Variants in NFRKB observed in about 807,000 individuals in gnomAD.
NFRKB encodes nuclear factor related to kappaB binding protein.
NFRKB carries 62 observed loss-of-function variants against 135.7 expected under a neutral mutation model. The observed-to-expected ratio is 0.46, with a 90% CI of 0.37 to 0.56. The LOEUF (loss-of-function observed/expected upper bound fraction) is 0.56. Ranked by LOEUF, NFRKB falls within the 20% of genes least tolerant of loss-of-function variation. The probability of loss-of-function intolerance (pLI) is 0.00; values close to 1 mark genes in which losing one functional copy is unlikely to be tolerated. For missense variants in NFRKB, 1,545 were observed against 1,662.0 expected, an observed-to-expected ratio of 0.93 and a Z score of 1.22; for synonymous variants, 678 against 635.6, an observed-to-expected ratio of 1.07 and a Z score of -1.00.
At chr11:129,877,422 T>C (rs755298490) in intron 15 of NFRKB, 37 bp from the exon 16 acceptor site, 29 of 1,591,996 alleles carry the variant, frequency 1.8e-5, no homozygotes, top group Non-Finnish European at 2.2e-5. Context: ...CCCTGACAGC[T>C]GGCACGTGTG....
chr11:129,866,501 G>T (rs752847209), intron 24 of NFRKB, among the ~76,000 whole-genome samples: 2 of 151,822 alleles, frequency 1.3e-5, no homozygotes, highest in African/African-American at 2.4e-5. Flanking sequence ...GGGCATGCTA[G>T]ATTAGGGAGA....
rs1269113202 is a variant in NFRKB at position 129,881,794 on chromosome 11, G to A, written c.1251C>T (p.Phe417=). ...ACTCAGCCCAGTTGGGGGCCGCAGA[G>A]AACCAGCTGTTGAGGGAGCTGGCTG... ...SSPASSLNSW[F]SAAPNWAELV... is the part of the protein sequence containing the mutation. Residue 417 remains phenylalanine, a synonymous_variant, in exon 12 of 27, where the codon TTC becomes TTT. Coordinates refer to ENST00000682444, the MANE Select transcript of NFRKB (RefSeq NM_001143835.2). The A allele has an allele frequency of 6.2e-7, 1 of 1,613,842 alleles. No individual in the cohort carries two copies. Among genetic ancestry groups the A allele is most frequent in the Non-Finnish European group, 8.5e-7 (1 of 1,179,952 alleles).
At chr11:129,893,270 T>A (rs955576840) in intron 2 of NFRKB, 1 of 496,044 alleles carries the variant, frequency 2.0e-6, no homozygotes, top group Non-Finnish European at 3.7e-6. Flanking sequence ...TCTTTGTTGT[T>A]GGCTGGGTGC....
chr11:129,864,971 T>C lies in NFRKB; in HGVS notation c.3769A>G (p.Thr1257Ala). 1 of 1,613,404 alleles carries C rather than the reference T, an allele frequency of 6.2e-7. No individual in the cohort carries two copies. The highest frequency in any genetic ancestry group is 1.1e-5 in the South Asian group (1 of 91,062). The part of the protein sequence containing the change: ...LQQLQQQGQA[T>A]QVRIQTVPAS... ...GAATTTGCCCTGGGCCTTACCTGTG[T>C]GGCCTGACCTTGCTGCTGAAGCTGC... The change falls in exon 26 of 27, where the codon ACA becomes GCA. Residue 1257 changes from threonine to alanine, a missense_variant. Physicochemically the swap from Thr to Ala is moderately conservative, Grantham distance 58. Transcript: ENST00000682444.
At chr11:129,889,951 C>CGT (rs56216860) in intron 3 of NFRKB, among the ~76,000 whole-genome samples, 58,130 of 134,850 alleles carry the variant, frequency 0.43, 12,660 homozygotes, top group Admixed American at 0.49. Flanking sequence ...TATTGTCTTA[C>CGT]GTGTGTGTGT....
At chr11:129,877,627 G>A (rs987509971) in intron 15 of NFRKB, among the ~76,000 whole-genome samples, 2 of 152,196 alleles carry the variant, frequency 1.3e-5, no homozygotes, top group African/African-American at 4.8e-5. Context: ...ACAAGAGGCT[G>A]ACATCTTTAA....
chr11:129,869,807 C>T lies in NFRKB; in HGVS notation c.3218G>A (p.Gly1073Glu). ...ALGVSVADQKGKSTVASSEAK... is the reference protein window; with the variant it reads ...ALGVSVADQKEKSTVASSEAK... ...TTCTGAAGAGGCCACTGTGCTTTTT[C>T]CCTTCTGGTCAGCCACACTCACGCC... is the stretch of plus-strand genomic sequence containing the variant. Residue 1073 changes from glycine to glutamate, a missense_variant, in exon 24 of 27, where the codon GGA becomes GAA. Gly to Glu is a moderately conservative substitution (Grantham distance 98). This residue lies in a region of NFRKB where 753 missense variants were observed against 804.3 expected (regional missense o/e 0.94). Transcript: ENST00000682444. 1 of 1,614,246 alleles carries T rather than the reference C, an allele frequency of 6.2e-7. No homozygotes were observed. Among genetic ancestry groups the T allele is most frequent in the Non-Finnish European group, 8.5e-7 (1 of 1,180,044 alleles).
intron 11 of NFRKB, 50 bp from the exon 12 acceptor site, chr11:129,881,903 C>T (rs747484812): frequency 1.0e-4 from 158 of 1,547,846 alleles, no homozygotes; most frequent in Non-Finnish European, 1.3e-4. Flanking sequence ...TCCACACCAG[C>T]AATTCCACAC....
chr11:129,884,022 G>T, intron 8 of NFRKB, 48 bp downstream of exon 8: 1 of 1,594,614 alleles, frequency 6.3e-7, no homozygotes, highest in Non-Finnish European at 8.6e-7. Context: ...AGCCAATCCT[G>T]AGACATCAGG....
chr11:129,884,701 A>C, intron 7 of NFRKB, 44 bp downstream of exon 7: 1 of 1,608,672 alleles, frequency 6.2e-7, no homozygotes. Flanking sequence ...TCAGGTCTCC[A>C]CCGCAATGTC....
Position 129,870,203 on chromosome 11 carries a change from G to T in NFRKB, c.2822C>A (p.Thr941Lys), listed in dbSNP as rs766840760. Residue 941 changes from threonine to lysine, a missense_variant, in exon 24 of 27, where the codon ACA (threonine) becomes AAA (lysine). Physicochemically the swap from Thr to Lys is moderately conservative, Grantham distance 78 (BLOSUM62 -1). This residue lies in a region of NFRKB where 753 missense variants were observed against 804.3 expected (regional missense o/e 0.94). Coordinates refer to ENST00000682444, the MANE Select transcript of NFRKB (RefSeq NM_001143835.2). Reference sequence around the variant, plus strand: ...ACCCTGGATGCGGAAGTTAGTGGCTGTGAGTGGAATGCTGTTGCCTGTTTG... The same window carrying T: ...ACCCTGGATGCGGAAGTTAGTGGCTTTGAGTGGAATGCTGTTGCCTGTTTG... ...KPQTGNSIPL[T>K]ATNFRIQGKD... 1.9e-6 allele frequency: 3 copies of T among 1,614,240 alleles called. No homozygotes were observed. Among genetic ancestry groups the T allele is most frequent in the South Asian group, 1.1e-5 (1 of 91,086 alleles).
rs1015162537 is a variant in NFRKB at position 129,875,592 on chromosome 11, T to G, written c.1748-129A>C. The G allele has an allele frequency of 2.2e-5, 14 of 627,906 alleles. No individual in the cohort carries two copies. In the Admixed American group the frequency reaches 3.2e-4, roughly 15 times the overall value. The allele number at this position is 627,906 out of a possible 1,614,324, so 38.9% of individuals were successfully genotyped here. A position where few individuals can be genotyped will look rare whatever the true frequency, so the allele number is the denominator to read the frequency against. ...CTCCTCTACCTTCCCTGATGCCGGA[T>G]TAGGTGCACTCTGCCCTCCAGCAGC... On this transcript the variant is annotated intron_variant, in intron 17 of 26. Coordinates refer to ENST00000682444, the MANE Select transcript of NFRKB (RefSeq NM_001143835.2).
intron 17 of NFRKB, among the ~76,000 whole-genome samples, chr11:129,875,839 T>A (rs911053625): frequency 2.6e-5 from 4 of 151,926 alleles, no homozygotes; most frequent in Admixed American, 6.6e-5. Context: ...GGATTTTTAG[T>A]AGAGACAGGG....
chr11:129,875,485 C>G (rs779858177), intron 17 of NFRKB, 22 bp from the exon 18 acceptor site: 2 of 1,565,572 alleles, frequency 1.3e-6, no homozygotes, highest in Non-Finnish European at 1.7e-6. Context: ...AGAAAGCACA[C>G]AGTCCACAAG....
intron 24 of NFRKB, among the ~76,000 whole-genome samples, chr11:129,869,177 T>G (rs763634187): frequency 6.6e-6 from 1 of 152,238 alleles, no homozygotes; most frequent in Non-Finnish European, 1.5e-5. Context: ...AAGGGAGAAC[T>G]GGAACGTAGT....
rs56216860 is a variant in NFRKB, at chr11:129,889,951, CGTGT to C, written c.136-1160_136-1157del. Among the ~76,000 whole-genome samples, 564 of 135,346 alleles carry C rather than the reference CGTGT, an allele frequency of 4.2e-3. 4 individuals carry two copies. The highest frequency in any genetic ancestry group is 6.9e-3 in the Non-Finnish European group (444 of 64,320). The allele number at this position is 135,346 out of a possible 152,430, so 88.8% of individuals were successfully genotyped here. A position where few individuals can be genotyped will look rare whatever the true frequency, so the allele number is the denominator to read the frequency against. ...ACATGCACGTTTTATTATTGTCTTA[CGTGT>C]GTGTGTGTGTGTGTGTGTGTGTGTG... On this transcript the variant is annotated intron_variant, in intron 3 of 26. Transcript: ENST00000682444.
chr11:129,888,766 G>A lies in NFRKB; in HGVS notation c.165C>T (p.Leu55=). ...CACTTAACACTTCCTGCCATGTTGA[G>A]AGGCTGACAACATCAAAGAAGATCT... ...DPEIFFDVVS[L]STWQEVLSDS... is the part of the protein sequence containing the mutation. The change falls in exon 4 of 27, where the codon CTC becomes CTT. Residue 55 remains leucine (L), a synonymous_variant. Coordinates refer to ENST00000682444, the MANE Select transcript of NFRKB (RefSeq NM_001143835.2). The A allele has an allele frequency of 2.5e-6, 4 of 1,614,140 alleles. No individual in the cohort carries two copies. The highest frequency in any genetic ancestry group is 3.4e-6 in the Non-Finnish European group (4 of 1,179,992).
chr11:129,870,360 ATTT>A, intron 23 of NFRKB, 99 bp from the exon 24 acceptor site: 1 of 1,274,544 alleles, frequency 7.8e-7, no homozygotes, highest in African/African-American at 1.5e-5. Flanking sequence ...GATGTTTTGT[ATTT>A]TTTTTTTAAC....
chr11:129,884,768 G>C lies in NFRKB; in HGVS notation c.719C>G (p.Ser240Ter), dbSNP rs774249226. ...ACCTGCAGTTTTCATATCCGTGGTT[G>C]AAAGTGTGGGCACCACCCGCAGGGG... ...AVPLRVVPTL[S>*]TTDMKTADKV... The change falls in exon 7 of 27, where the codon TCA becomes TGA. Residue 240 changes from serine (S) to a stop codon, truncating the protein, a stop_gained. Coordinates refer to ENST00000682444, the MANE Select transcript of NFRKB (RefSeq NM_001143835.2). LOFTEE classifies it high-confidence loss of function. The C allele has an allele frequency of 3.7e-6, 6 of 1,614,116 alleles. No homozygotes were observed. Among genetic ancestry groups the C allele is most frequent in the Admixed American group, 3.3e-5 (2 of 60,034 alleles).
Sources: gnomAD v4.1 joint callset for allele counts (sites outside exome capture counted in the v4.1 genomes callset) on GRCh38, gnomAD v4.1.1 for gene constraint, gnomAD v4.1.1 regional missense constraint, MANE v1.5 for transcripts, NCBI Gene and HGNC (gene_info 2026-07-23, HGNC 2026-07-21) for gene names.